ABI2: variants seen among roughly 807,000 people sequenced by gnomAD.
The protein encoded by ABI2 is abl interactor 2.
A neutral mutation model predicts 59.2 loss-of-function variants in ABI2; 25 were observed. The ratio of observed to expected loss-of-function variants is 0.42; its 90% CI spans 0.31 to 0.59. The LOEUF (loss-of-function observed/expected upper bound fraction) is 0.59, where lower values mean the gene tolerates loss of function less well. Ranked by LOEUF, ABI2 falls within the 20% of genes least tolerant of loss-of-function variation. The pLI, the probability that ABI2 is intolerant of heterozygous loss-of-function variation, is 0.14. For missense variants in ABI2, 545 were observed against 681.8 expected, an observed-to-expected ratio of 0.80 and a Z score of 2.23; for synonymous variants, 213 against 235.5, an observed-to-expected ratio of 0.90 and a Z score of 0.87.
At chr2:203,355,235 G>T (rs1411919800) in intron 1 of ABI2, 1 of 381,240 alleles carries the variant, frequency 2.6e-6, no homozygotes, top group Admixed American at 2.4e-5. Context: ...GACTGGGTAC[G>T]GTGGCTCATT....
At chr2:203,351,392 A>T (rs909672971) in intron 1 of ABI2, among the ~76,000 whole-genome samples, 2 of 152,202 alleles carry the variant, frequency 1.3e-5, no homozygotes, top group Admixed American at 1.3e-4. Flanking sequence ...GGATTTTGAC[A>T]GTAATTATAT....
intron 1 of ABI2, among the ~76,000 whole-genome samples, chr2:203,364,574 C>T (rs1032960350): frequency 9.9e-5 from 15 of 152,040 alleles, no homozygotes; most frequent in Non-Finnish European, 4.4e-5. Context: ...CCTTGAGCCC[C>T]AAATAACTTT....
At chr2:203,396,648 T>A in intron 7 of ABI2, 137 bp from the exon 8 acceptor site, 1 of 914,218 alleles carries the variant, frequency 1.1e-6, no homozygotes, top group Non-Finnish European at 1.5e-6. Context: ...GCATAAGTTT[T>A]ATTCTTTTTT....
intron 1 of ABI2, among the ~76,000 whole-genome samples, chr2:203,329,963 C>G (rs1243723705): frequency 6.6e-6 from 1 of 152,062 alleles, no homozygotes; most frequent in African/African-American, 2.4e-5. Flanking sequence ...TCTCGAACTC[C>G]TGACTTCAAG....
intron 2 of ABI2, among the ~76,000 whole-genome samples, chr2:203,370,186 T>TTCTCCCTCTC (rs2094991845): frequency 7.3e-6 from 1 of 136,686 alleles, no homozygotes; most frequent in African/African-American, 2.8e-5. Context: ...CATTCTCCTA[T>TTCTCCCTCTC]TCTCTCTCTC....
At chr2:203,382,450 C>T (rs1001947938) in intron 4 of ABI2, among the ~76,000 whole-genome samples, 2 of 152,082 alleles carry the variant, frequency 1.3e-5, no homozygotes, top group African/African-American at 2.4e-5. Flanking sequence ...ACATTAGGTG[C>T]TTAGTAAATA....
chr2:203,394,219 G>A (rs1308888978), intron 5 of ABI2: 1 of 152,770 alleles, frequency 6.5e-6, no homozygotes, highest in Non-Finnish European at 1.5e-5. Context: ...GAAATGAGTT[G>A]TTATGGCTAG....
chr2:203,333,867 C>T (rs1004801332), intron 1 of ABI2, among the ~76,000 whole-genome samples: 1 of 152,090 alleles, frequency 6.6e-6, no homozygotes, highest in Non-Finnish European at 1.5e-5. Flanking sequence ...TGAAGAGCTT[C>T]CTGGTTCAAA....
intron 4 of ABI2, 101 bp downstream of exon 4, chr2:203,382,307 A>G (rs943453040): frequency 6.0e-6 from 6 of 996,658 alleles, no homozygotes; most frequent in African/African-American, 1.7e-5. Flanking sequence ...TTAAAACCCA[A>G]TAAATAATTC....
intron 2 of ABI2, among the ~76,000 whole-genome samples, chr2:203,368,792 G>A (rs758146717): frequency 2.6e-5 from 4 of 151,528 alleles, no homozygotes; most frequent in Non-Finnish European, 4.4e-5. Context: ...AATAATCAAT[G>A]GGATTTTAAA....
chr2:203,399,906 G>A (rs760762189), intron 8 of ABI2, among the ~76,000 whole-genome samples: 4 of 152,022 alleles, frequency 2.6e-5, no homozygotes, highest in South Asian at 2.1e-4. Context: ...TAAATGAATC[G>A]TGCTTTGATG....
chr2:203,363,161 AT>A (rs1002996328), intron 1 of ABI2, among the ~76,000 whole-genome samples: 16 of 111,552 alleles, frequency 1.4e-4, no homozygotes, highest in Admixed American at 4.5e-4. Context: ...TTAAAAAAAA[AT>A]TTTTCGTGAG....
At position 203,430,024 on chromosome 2, in the gene ABI2, T is replaced by C. The variant is rs962295265; in HGVS notation, c.*2672T>C. ...GTTTTACAAACAGTACCTTTTGGGT[T>C]TTCTGCATATTTTATAATTTTTGTA... On this transcript the variant is annotated 3_prime_UTR_variant, in exon 12 of 12. Transcript: ENST00000261018. The C allele has an allele frequency of 2.0e-5, 3 of 152,196 alleles. No individual in the cohort carries two copies. Among genetic ancestry groups the C allele is most frequent in the African/African-American group, 7.2e-5 (3 of 41,424 alleles). 9.4% of individuals were successfully genotyped at this position (152,196 alleles called of 1,614,324 possible). A position where few individuals can be genotyped will look rare whatever the true frequency, so the allele number is the denominator to read the frequency against.
At chr2:203,388,185 C>CG (rs1384527318) in intron 4 of ABI2, among the ~76,000 whole-genome samples, 1 of 151,894 alleles carries the variant, frequency 6.6e-6, no homozygotes, top group Non-Finnish European at 1.5e-5. Flanking sequence ...ATTTTTCACA[C>CG]GGGAAAAGCT....
Position 203,328,466 on chromosome 2 carries a change from C to T in ABI2, c.-49C>T, listed in dbSNP as rs2069975192. ...CTGGGTTTCCTTGGCGCTGCGGCCG[C>T]CGCTCCCTCTGCGACCTGTATGAGG... On this transcript the variant is annotated 5_prime_UTR_variant, in exon 1 of 12. Coordinates refer to ENST00000261018, the MANE Select transcript of ABI2 (RefSeq NM_001375670.1). The T allele has an allele frequency of 2.7e-6, 4 of 1,471,360 alleles. No individual in the cohort carries two copies. The highest frequency in any genetic ancestry group is 1.4e-5 in the African/African-American group (1 of 69,890). 91.1% of individuals were successfully genotyped at this position (1,471,360 alleles called of 1,614,324 possible). A position where few individuals can be genotyped will look rare whatever the true frequency, so the allele number is the denominator to read the frequency against.
chr2:203,384,309 T>TGTTTTG (rs1559289603), intron 4 of ABI2, among the ~76,000 whole-genome samples: 2 of 140,304 alleles, frequency 1.4e-5, no homozygotes, highest in African/African-American at 5.3e-5. Context: ...TTTTTTTTTT[T>TGTTTTG]TTTTTTTTTT....
Position 203,430,225 on chromosome 2 carries a change from T to C in ABI2, c.*2873T>C, listed in dbSNP as rs2098472138. 1 of 152,120 alleles carries C rather than the reference T, an allele frequency of 6.6e-6. No homozygotes were observed. The highest frequency in any genetic ancestry group is 1.5e-5 in the Non-Finnish European group (1 of 68,020). 9.4% of individuals were successfully genotyped at this position (152,120 alleles called of 1,614,324 possible). On this transcript the variant is annotated 3_prime_UTR_variant, in exon 12 of 12. Coordinates refer to ENST00000261018, the MANE Select transcript of ABI2 (RefSeq NM_001375670.1). ...CCCTCTTTTTTTATAAATTAAAAGATGGTTGGTATTAGGAATTTCAAATGA... is the reference window on the plus strand; with the variant it reads ...CCCTCTTTTTTTATAAATTAAAAGACGGTTGGTATTAGGAATTTCAAATGA...
chr2:203,369,951 T>G (rs2094955333), intron 2 of ABI2, among the ~76,000 whole-genome samples: 1 of 152,100 alleles, frequency 6.6e-6, no homozygotes, highest in African/African-American at 2.4e-5. Flanking sequence ...TAGAATTCTT[T>G]ATTTAAAAAG....
chr2:203,426,216 C>T (rs927414355), intron 11 of ABI2, among the ~76,000 whole-genome samples: 4 of 152,086 alleles, frequency 2.6e-5, no homozygotes, highest in African/African-American at 9.7e-5. Context: ...GAGAAACTAA[C>T]AAAGACAGTG....
Sources: allele counts gnomAD v4.1 joint callset (sites outside exome capture counted in the v4.1 genomes callset), GRCh38; gene constraint gnomAD v4.1.1; transcripts MANE v1.5; gene names NCBI Gene and HGNC (gene_info 2026-07-23, HGNC 2026-07-21).